The following MAD1L1 variants were observed in gnomAD, a reference collection of about 807,000 sequenced individuals.
MAD1L1 encodes mitotic spindle assembly checkpoint protein MAD1.
In MAD1L1, 95 loss-of-function variants were observed where a neutral mutation model predicts 96.9. The observed-to-expected ratio is 0.98, with a 90% confidence interval of 0.83 to 1.16. The LOEUF is 1.16. Ranked by LOEUF, MAD1L1 falls within the 50% of genes most tolerant of loss-of-function variation. The pLI, the probability that MAD1L1 is intolerant of heterozygous loss-of-function variation, is 0.00. For synonymous variants in MAD1L1, 473 were observed against 396.6 expected, an observed-to-expected ratio of 1.19 and a Z score of -2.29; for missense variants, 1,007 against 954.4, an observed-to-expected ratio of 1.06 and a Z score of -0.73.
intron 16 of MAD1L1, chr7:1,940,384 G>A (rs571809271): frequency 6.6e-5 from 10 of 152,374 alleles, no homozygotes; most frequent in Admixed American, 5.9e-4. Flanking sequence ...GGGGTTGAAA[G>A]GATTGCTACT....
chr7:2,200,693 C>A (rs1792243347), intron 10 of MAD1L1: 1 of 152,216 alleles, frequency 6.6e-6, no homozygotes, highest in Admixed American at 6.5e-5. Flanking sequence ...TGAACGCAAG[C>A]CCGCTCTCCC....
chr7:2,219,248 T>A (rs2115001562), intron 6 of MAD1L1, 84 bp downstream of exon 6: 1 of 1,316,664 alleles, frequency 7.6e-7, no homozygotes, highest in African/African-American at 1.5e-5. Context: ...TGTATCCACA[T>A]CCCACCCAGC....
chr7:1,820,089 G>T lies in MAD1L1; in HGVS notation c.1999-3861C>A, dbSNP rs143747590. On this transcript the variant is annotated intron_variant, in intron 18 of 18. Transcript: ENST00000265854. Reference sequence around the variant, plus strand: ...TGTGGGGTGGCGTGAAGAGGTGGAGGCCACACCAGTGGACATCAAAACCAG... The same window carrying T: ...TGTGGGGTGGCGTGAAGAGGTGGAGTCCACACCAGTGGACATCAAAACCAG... 5.3e-3 allele frequency among the ~76,000 whole-genome samples: 801 copies of T among 152,246 alleles called. 7 individuals carry two copies. The highest frequency in any genetic ancestry group is 0.018 in the African/African-American group (760 of 41,540).
intron 18 of MAD1L1, among the ~76,000 whole-genome samples, chr7:1,891,748 G>C (rs1397607620): frequency 2.6e-5 from 4 of 152,166 alleles, no homozygotes; most frequent in Non-Finnish European, 4.4e-5. Context: ...GCCTGGCTAA[G>C]TTTTAAATAT....
intron 18 of MAD1L1, among the ~76,000 whole-genome samples, chr7:1,873,748 G>A (rs1220083557): frequency 2.6e-5 from 4 of 152,002 alleles, no homozygotes; most frequent in Non-Finnish European, 5.9e-5. Flanking sequence ...ACCCCTGATG[G>A]ACACCCCCAC....
chr7:2,000,494 C>G (rs1158214894), intron 14 of MAD1L1, among the ~76,000 whole-genome samples: 1 of 152,216 alleles, frequency 6.6e-6, no homozygotes. Flanking sequence ...GCTTCTGTCA[C>G]CCCTAACCTC....
chr7:2,009,873 G>A (rs1378626220), intron 13 of MAD1L1, among the ~76,000 whole-genome samples: 1 of 152,094 alleles, frequency 6.6e-6, no homozygotes, highest in Non-Finnish European at 1.5e-5. Flanking sequence ...GCCGGGGGTG[G>A]CACCGGCGTG....
In MAD1L1 at chr7:1,969,677, TACAAAGTCAACAC is replaced by T. The variant is rs1053026326; in HGVS notation, c.1505+10763_1505+10775del. On this transcript the variant is annotated intron_variant, in intron 15 of 18. Coordinates refer to ENST00000265854, the MANE Select transcript of MAD1L1 (RefSeq NM_001013836.2). ...AAACAAAATCAGCAAAGTTGCAAAATACAAAGTCAACACACAAAAGATCAGTTGTATTTCCCTG... is the reference window on the plus strand; with the variant it reads ...AAACAAAATCAGCAAAGTTGCAAAATACAAAAGATCAGTTGTATTTCCCTG... Among the ~76,000 whole-genome samples the T allele has an allele frequency of 5.9e-5, 9 of 152,226 alleles. No individual in the cohort carries two copies. The South Asian group carries it at 6.2e-4, about 11-fold the overall frequency.
At chr7:2,232,734 G>T (rs1288767799) in intron 1 of MAD1L1, 138 bp downstream of exon 1, 1 of 152,588 alleles carries the variant, frequency 6.6e-6, no homozygotes, top group Non-Finnish European at 1.5e-5. Flanking sequence ...CGGGCGCGGG[G>T]TCCTGAGGCA....
intron 11 of MAD1L1, among the ~76,000 whole-genome samples, chr7:2,110,657 T>A (rs1229011086): frequency 3.3e-5 from 5 of 152,142 alleles, no homozygotes; most frequent in African/African-American, 4.8e-5. Flanking sequence ...TTGTCCCAAA[T>A]CAAATTTTTC....
At chr7:2,127,371 G>A (rs897896238) in intron 11 of MAD1L1, among the ~76,000 whole-genome samples, 2 of 152,338 alleles carry the variant, frequency 1.3e-5, no homozygotes, top group African/African-American at 2.4e-5. Context: ...CACCCAAGGG[G>A]CAAGGAGAGG....
At chr7:1,984,350 A>C (rs1781052108) in intron 14 of MAD1L1, among the ~76,000 whole-genome samples, 1 of 152,216 alleles carries the variant, frequency 6.6e-6, no homozygotes, top group Non-Finnish European at 1.5e-5. Context: ...TACACAATTA[A>C]TCTTTGTGAA....
At chr7:1,948,331 C>A (rs76089203) in intron 16 of MAD1L1, among the ~76,000 whole-genome samples, 1,634 of 152,250 alleles carry the variant, frequency 0.011, 38 homozygotes, top group East Asian at 0.084. Context: ...CCTCCACCCC[C>A]CAGTGACCGT....
At chr7:1,913,706 A>G (rs1020162543) in intron 17 of MAD1L1, among the ~76,000 whole-genome samples, 1 of 152,080 alleles carries the variant, frequency 6.6e-6, no homozygotes. Flanking sequence ...CCTCTCCCCC[A>G]GGACAAAGCT....
rs767637745 is a variant in MAD1L1, at chr7:2,216,161, G to A, written c.805C>T (p.Leu269=). 7 of 1,612,582 alleles carry A rather than the reference G, an allele frequency of 4.3e-6. No homozygotes were observed. The African/African-American group carries it at 9.3e-5, about 22-fold the overall frequency. Residue 269 remains leucine, a synonymous_variant, in exon 8 of 19, where the codon CTG becomes TTG. Transcript: ENST00000265854. ...LKQLREESAH[L]REMRETNGLL... is the part of the protein sequence containing the mutation. ...CCATCCCCCGCAACCCCTCACCGCA[G>A]GTGCGCGCTCTCCTCCCGCAGCTGC... is the stretch of plus-strand genomic sequence containing the variant.
At chr7:2,084,882 G>A (rs1785830991) in intron 11 of MAD1L1, among the ~76,000 whole-genome samples, 1 of 152,214 alleles carries the variant, frequency 6.6e-6, no homozygotes, top group Non-Finnish European at 1.5e-5. Context: ...CTGTAGCCTT[G>A]TAGAGTAAGA....
intron 17 of MAD1L1, among the ~76,000 whole-genome samples, chr7:1,919,462 G>T (rs1005646167): frequency 6.6e-6 from 1 of 152,232 alleles, no homozygotes; most frequent in African/African-American, 2.4e-5. Flanking sequence ...GTCCTCGCTG[G>T]GGACCTACCA....
intron 17 of MAD1L1, among the ~76,000 whole-genome samples, chr7:1,905,506 T>G (rs1356901668): frequency 6.6e-6 from 1 of 151,746 alleles, no homozygotes; most frequent in Non-Finnish European, 1.5e-5. Flanking sequence ...GATGAAGCAC[T>G]GTTCCAGGCA....
chr7:1,931,614 G>C (rs970098741), intron 17 of MAD1L1, among the ~76,000 whole-genome samples: 5 of 152,128 alleles, frequency 3.3e-5, no homozygotes, highest in African/African-American at 1.2e-4. Context: ...CTGACTTCCC[G>C]AGAGACAGCG....
Sources: gnomAD v4.1 joint callset for allele counts (sites outside exome capture counted in the v4.1 genomes callset) on GRCh38, gnomAD v4.1.1 for gene constraint, MANE v1.5 for transcripts, NCBI Gene and HGNC (gene_info 2026-07-23, HGNC 2026-07-21) for gene names.